Variants in NTRK2 observed in about 807,000 individuals in gnomAD.
NTRK2 encodes the protein BDNF/NT-3 growth factors receptor.
NTRK2 carries 13 observed loss-of-function variants against 94.5 expected under a neutral mutation model. That is an observed-to-expected ratio of 0.14 (90% CI 0.09 to 0.22). The LOEUF is 0.22. Ranked by LOEUF, NTRK2 falls within the 10% of genes least tolerant of loss-of-function variation. The pLI is 1.00. For missense variants in NTRK2, 639 were observed against 1,071.2 expected (o/e 0.60, Z 5.63); for synonymous variants, 372 against 407.4 (o/e 0.91, Z 1.05).
chr9:84,854,629 G>A (rs2131922240), intron 12 of NTRK2, among the ~76,000 whole-genome samples: 1 of 151,996 alleles, frequency 6.6e-6, no homozygotes, highest in East Asian at 1.9e-4. Flanking sequence ...CCTGAAACCT[G>A]AAAAACAAGA....
intron 15 of NTRK2, among the ~76,000 whole-genome samples, chr9:84,939,836 C>T (rs912375412): frequency 4.6e-5 from 7 of 152,104 alleles, no homozygotes; most frequent in Admixed American, 2.0e-4. Flanking sequence ...TTCTCTTTCT[C>T]GTCTTCTCCA....
chr9:84,905,004 T>A (rs1163760614), intron 14 of NTRK2, among the ~76,000 whole-genome samples: 2 of 151,992 alleles, frequency 1.3e-5, no homozygotes, highest in Non-Finnish European at 2.9e-5. Flanking sequence ...AAATGAATAG[T>A]GAAATGGTGC....
chr9:84,854,043 G>A (rs1381806916), intron 12 of NTRK2, among the ~76,000 whole-genome samples: 1 of 149,304 alleles, frequency 6.7e-6, no homozygotes, highest in African/African-American at 2.5e-5. Context: ...CTGCACTCCA[G>A]CCTGGGCAAC....
chr9:84,939,071 A>AAAG (rs2078314252), intron 15 of NTRK2, among the ~76,000 whole-genome samples: 1 of 142,444 alleles, frequency 7.0e-6, no homozygotes, highest in Non-Finnish European at 1.5e-5. Flanking sequence ...AAAAAAAAAA[A>AAAG]GAAAAGAAAA....
chr9:84,946,264 G>A (rs951269591), intron 15 of NTRK2, among the ~76,000 whole-genome samples: 8 of 152,188 alleles, frequency 5.3e-5, no homozygotes, highest in Admixed American at 1.3e-4. Flanking sequence ...CTTCTGCCAG[G>A]AGAAGTATGC....
At chr9:84,783,226 G>C (rs1226903350) in intron 12 of NTRK2, among the ~76,000 whole-genome samples, 3 of 152,200 alleles carry the variant, frequency 2.0e-5, no homozygotes. Context: ...TCTAGGGATT[G>C]ACTTTCCCTT....
chr9:85,002,170 C>A (rs989800908), intron 17 of NTRK2, among the ~76,000 whole-genome samples: 1 of 152,152 alleles, frequency 6.6e-6, no homozygotes, highest in Non-Finnish European at 1.5e-5. Context: ...TTAGCCACAC[C>A]TTTGCCTGCT....
Position 85,023,780 on chromosome 9 carries a change from C to T in NTRK2, c.*2343C>T. The T allele has an allele frequency of 4.3e-6, 1 of 230,598 alleles. No homozygotes were observed. Among genetic ancestry groups the T allele is most frequent in the Non-Finnish European group, 8.6e-6 (1 of 116,570 alleles). 14.3% of individuals were successfully genotyped at this position (230,598 alleles called of 1,614,324 possible). ...ATTTGTACAAAAACTTTTCTAGATTCCATCAGCAAAAACCAACACAGGTTT... is the reference window on the plus strand; with the variant it reads ...ATTTGTACAAAAACTTTTCTAGATTTCATCAGCAAAAACCAACACAGGTTT... On this transcript the variant is annotated 3_prime_UTR_variant, in exon 19 of 19. Transcript: ENST00000277120.
chr9:84,812,922 A>C (rs199821686), intron 12 of NTRK2: 17 of 1,033,330 alleles, frequency 1.6e-5, no homozygotes, highest in Non-Finnish European at 2.0e-5. Flanking sequence ...AGGCTATTAG[A>C]AAATTATTTC....
At chr9:84,875,391 G>A in intron 14 of NTRK2, 2 of 1,061,734 alleles carry the variant, frequency 1.9e-6, no homozygotes, top group Middle Eastern at 4.2e-4. Context: ...CCTGTGTTAT[G>A]CGCTGGAAAG....
At chr9:84,911,356 A>G (rs1056106582) in intron 14 of NTRK2, among the ~76,000 whole-genome samples, 5 of 152,156 alleles carry the variant, frequency 3.3e-5, no homozygotes, top group East Asian at 1.9e-4. Flanking sequence ...TGGAATTGGG[A>G]TGAAATTTTT....
intron 2 of NTRK2, among the ~76,000 whole-genome samples, chr9:84,676,998 C>T (rs766811448): frequency 5.3e-5 from 8 of 151,490 alleles, no homozygotes; most frequent in Admixed American, 3.3e-4. Context: ...TTGAAGTGTT[C>T]CTCTTCTTTA....
chr9:85,004,644 G>A (rs1303440504), intron 17 of NTRK2, among the ~76,000 whole-genome samples: 2 of 152,112 alleles, frequency 1.3e-5, no homozygotes, highest in Admixed American at 6.6e-5. Context: ...GGGATTTAGA[G>A]GCAGAAAGGA....
At chr9:84,725,654 T>C (rs1026042463) in intron 8 of NTRK2, among the ~76,000 whole-genome samples, 4 of 148,366 alleles carry the variant, frequency 2.7e-5, no homozygotes, top group African/African-American at 7.3e-5. Flanking sequence ...ATATATTATA[T>C]ATATATTATG....
chr9:84,984,185 T>C (rs1403122111), intron 17 of NTRK2, among the ~76,000 whole-genome samples: 1 of 152,044 alleles, frequency 6.6e-6, no homozygotes, highest in East Asian at 1.9e-4. Context: ...TTAAAACAGA[T>C]TTCAGGGCCG....
In NTRK2 at chr9:84,741,973, G is replaced by A. The variant is rs200018367; in HGVS notation, c.1195+46G>A. ...TTTGTATTTCTTTTTCAAAATGTTT[G>A]TGTATCATGAAGTAAATCAACTGAA... On this transcript the variant is annotated intron_variant, in intron 10 of 18. Transcript: ENST00000277120. 4.0e-6 allele frequency: 6 copies of A among 1,513,552 alleles called. No individual in the cohort carries two copies. The South Asian group carries it at 6.8e-5, about 17-fold the overall frequency. 93.8% of individuals were successfully genotyped at this position (1,513,552 alleles called of 1,614,324 possible).
intron 15 of NTRK2, among the ~76,000 whole-genome samples, chr9:84,939,067 A>AAAG (rs1554772372): frequency 9.7e-5 from 14 of 144,666 alleles, no homozygotes; most frequent in Non-Finnish European, 1.3e-4. Flanking sequence ...AAAAAAAAAA[A>AAAG]AAAAGAAAAG....
At chr9:84,958,224 A>G (rs1458198997) in intron 17 of NTRK2, among the ~76,000 whole-genome samples, 1 of 152,192 alleles carries the variant, frequency 6.6e-6, no homozygotes. Context: ...TGAATCATTC[A>G]CTTTAAAGGC....
chr9:84,917,228 C>T (rs1392329416), intron 14 of NTRK2, among the ~76,000 whole-genome samples: 1 of 152,118 alleles, frequency 6.6e-6, no homozygotes, highest in Non-Finnish European at 1.5e-5. Context: ...GTGCATTTGA[C>T]CCAAAATAAG....
Sources: allele counts gnomAD v4.1 joint callset (sites outside exome capture counted in the v4.1 genomes callset), GRCh38; gene constraint gnomAD v4.1.1; transcripts MANE v1.5; gene names NCBI Gene and HGNC (gene_info 2026-07-23, HGNC 2026-07-21).